PCYT1B: variants seen among roughly 807,000 people sequenced by gnomAD.
The protein encoded by PCYT1B is phosphate cytidylyltransferase 1B, choline.
A neutral mutation model predicts 26.4 loss-of-function variants in PCYT1B; 10 were observed. The observed-to-expected ratio is 0.38, with a 90% CI of 0.23 to 0.64. PCYT1B has a LOEUF of 0.64. PCYT1B is among the 30% of genes least tolerant of loss of function. The probability of loss-of-function intolerance (pLI) is 0.56; values close to 1 mark genes in which losing one functional copy is unlikely to be tolerated. For missense variants in PCYT1B, 161 were observed against 292.7 expected (o/e 0.55, Z 3.28); for synonymous variants, 131 against 108.4 (o/e 1.21, Z -1.29).
At chrX:24,635,214 T>C (rs1020705074) in intron 1 of PCYT1B, among the ~76,000 whole-genome samples, 11 of 111,919 alleles carry the variant, frequency 9.8e-5, no homozygotes, top group Non-Finnish European at 5.6e-5. Flanking sequence ...CATAACTCAA[T>C]AGAGAAAAAA....
At chrX:24,593,865 C>G (rs1924693068) in intron 3 of PCYT1B, among the ~76,000 whole-genome samples, 2 of 111,222 alleles carry the variant, frequency 1.8e-5, no homozygotes, top group African/African-American at 3.3e-5. Context: ...AAAGGAGAGA[C>G]TAATGAGCTT....
chrX:24,629,572 A>AAAAAAC (rs1925988113), intron 1 of PCYT1B, among the ~76,000 whole-genome samples: 1 of 99,212 alleles, frequency 1.0e-5, no homozygotes, highest in Non-Finnish European at 2.1e-5. Flanking sequence ...AAAAAAAAAA[A>AAAAAAC]AAAAAAAAAA....
rs767766598 is a variant in PCYT1B, at chrX:24,620,831, T to C, written c.118-1747A>G. ...GCTCTGCACCAACTTGGCTGCTCTC[T>C]GCACATGATCCTTTCTGTCCCACCC... On this transcript the variant is annotated intron_variant, in intron 1 of 7. Coordinates refer to ENST00000379144, the MANE Select transcript of PCYT1B (RefSeq NM_004845.5). Among the ~76,000 whole-genome samples, 19 of 112,216 alleles carry C rather than the reference T, an allele frequency of 1.7e-4. 1 individual carries two copies. In the South Asian group the frequency reaches 7.0e-3, roughly 42 times the overall value.
intron 3 of PCYT1B, among the ~76,000 whole-genome samples, chrX:24,593,202 C>CCATA (rs1255769576): frequency 9.0e-6 from 1 of 111,275 alleles, no homozygotes; most frequent in East Asian, 2.8e-4. Context: ...CATACCTGGC[C>CCATA]CCTAGTAGGC....
At chrX:24,632,997 G>T (rs1926147193) in intron 1 of PCYT1B, among the ~76,000 whole-genome samples, 1 of 110,155 alleles carries the variant, frequency 9.1e-6, no homozygotes, top group Non-Finnish European at 1.9e-5. Flanking sequence ...ATCACCTGAG[G>T]TCAGGAGTTC....
At chrX:24,618,903 A>G in intron 2 of PCYT1B, 82 bp downstream of exon 2, 3 of 600,708 alleles carry the variant, frequency 5.0e-6, no homozygotes, top group Non-Finnish European at 7.5e-6. Flanking sequence ...GATCACAGGC[A>G]TGAGCCACCA....
At chrX:24,565,488 G>A (rs1483815041) in intron 7 of PCYT1B, among the ~76,000 whole-genome samples, 2 of 110,090 alleles carry the variant, frequency 1.8e-5, no homozygotes, top group Non-Finnish European at 3.8e-5. Context: ...GTCCATGGGG[G>A]CTAGTAGAGG....
intron 1 of PCYT1B, among the ~76,000 whole-genome samples, chrX:24,643,314 C>T (rs889123907): frequency 4.5e-5 from 5 of 111,420 alleles, no homozygotes; most frequent in African/African-American, 1.6e-4. Context: ...CATCATATCA[C>T]CCAAGGCCAC....
intron 4 of PCYT1B, among the ~76,000 whole-genome samples, chrX:24,589,233 T>C (rs763430665): frequency 1.8e-5 from 2 of 112,378 alleles, no homozygotes; most frequent in African/African-American, 6.5e-5. Context: ...CTATTACTCA[T>C]GCACATTTAT....
At chrX:24,608,177 C>T (rs761350139) in intron 2 of PCYT1B, among the ~76,000 whole-genome samples, 4 of 111,179 alleles carry the variant, frequency 3.6e-5, no homozygotes, top group African/African-American at 1.3e-4. Flanking sequence ...AGCTGGAACA[C>T]GTAGGCAGGA....
At chrX:24,566,689 A>G (rs1923641624) in intron 7 of PCYT1B, among the ~76,000 whole-genome samples, 1 of 111,834 alleles carries the variant, frequency 8.9e-6, no homozygotes, top group Admixed American at 9.6e-5. Flanking sequence ...TGACATTGGT[A>G]AGGAACTATT....
intron 3 of PCYT1B, among the ~76,000 whole-genome samples, chrX:24,598,063 G>A (rs1005974478): frequency 7.2e-5 from 8 of 111,789 alleles, no homozygotes; most frequent in African/African-American, 2.6e-4. Flanking sequence ...ATATAGGCTG[G>A]TACTGCTGCT....
chrX:24,624,241 T>A (rs113304968), intron 1 of PCYT1B, among the ~76,000 whole-genome samples: 5 of 111,755 alleles, frequency 4.5e-5, no homozygotes, highest in Non-Finnish European at 7.5e-5. Flanking sequence ...AGTGCTGGGA[T>A]TACAGGCATG....
intron 3 of PCYT1B, among the ~76,000 whole-genome samples, chrX:24,603,953 C>T (rs1436546182): frequency 9.0e-6 from 1 of 111,303 alleles, no homozygotes; most frequent in African/African-American, 3.3e-5. Context: ...GACAGCAATG[C>T]CACTCTTGGG....
In PCYT1B at chrX:24,561,092, G is replaced by A. The variant is rs777470586; in HGVS notation, c.*1201C>T. 7 of 112,583 alleles carry A rather than the reference G, an allele frequency of 6.2e-5. No homozygotes were observed. Among genetic ancestry groups the A allele is most frequent in the East Asian group, 2.8e-4 (1 of 3,581 alleles). 9.3% of individuals were successfully genotyped at this position (112,583 alleles called of 1,213,427 possible). A position where few individuals can be genotyped will look rare whatever the true frequency, so the allele number is the denominator to read the frequency against. On this transcript the variant is annotated 3_prime_UTR_variant, in exon 8 of 8. Transcript: ENST00000379144. Reference sequence around the variant, plus strand: ...ACCCAAAAATGTTATAGGAGGCCACGAGAACAAAATACTAATTTCCTGGTT... The same window carrying A: ...ACCCAAAAATGTTATAGGAGGCCACAAGAACAAAATACTAATTTCCTGGTT...
At chrX:24,615,747 T>C (rs1925469545) in intron 2 of PCYT1B, among the ~76,000 whole-genome samples, 1 of 111,828 alleles carries the variant, frequency 8.9e-6, no homozygotes, top group African/African-American at 3.2e-5. Context: ...ACAAAATATT[T>C]ATTGACCGCA....
chrX:24,617,617 T>A (rs756486517), intron 2 of PCYT1B, among the ~76,000 whole-genome samples: 25 of 108,838 alleles, frequency 2.3e-4, no homozygotes, highest in Non-Finnish European at 4.2e-4. Flanking sequence ...CTGGCTAATT[T>A]TTGTATTTTT....
intron 1 of PCYT1B, among the ~76,000 whole-genome samples, chrX:24,645,558 A>G (rs1255483042): frequency 9.0e-6 from 1 of 111,244 alleles, no homozygotes; most frequent in Non-Finnish European, 1.9e-5. Flanking sequence ...GTATATGTGC[A>G]TATGATAATC....
chrX:24,579,197 AAAAG>A, intron 6 of PCYT1B, 115 bp downstream of exon 6: 3 of 605,354 alleles, frequency 5.0e-6, no homozygotes, highest in African/African-American at 2.5e-5. Context: ...AAAAAAAAAA[AAAAG>A]AGAGAGAGAG....
Sources: allele counts gnomAD v4.1 joint callset (sites outside exome capture counted in the v4.1 genomes callset), GRCh38; gene constraint gnomAD v4.1.1; transcripts MANE v1.5; gene names NCBI Gene and HGNC (gene_info 2026-07-23, HGNC 2026-07-21).